The following RBFOX1 variants were observed in gnomAD, a reference collection of about 807,000 sequenced individuals.
RBFOX1 encodes RNA binding protein fox-1 homolog 1.
In RBFOX1, 8 loss-of-function variants were observed where a neutral mutation model predicts 57.7. The observed-to-expected ratio is 0.14, with a 90% CI of 0.08 to 0.25. RBFOX1 has a LOEUF of 0.25. Ranked by LOEUF, RBFOX1 falls within the 10% of genes least tolerant of loss-of-function variation. RBFOX1 has a pLI of 1.00. For synonymous variants in RBFOX1, 326 were observed against 222.4 expected, an observed-to-expected ratio of 1.47 and a Z score of -4.15; for missense variants, 611 against 548.5, an observed-to-expected ratio of 1.11 and a Z score of -1.14.
intron 4 of RBFOX1, among the ~76,000 whole-genome samples, chr16:7,076,226 GT>G (rs1208369103): frequency 6.7e-6 from 1 of 148,836 alleles, no homozygotes; most frequent in African/African-American, 2.5e-5. Context: ...TAGAGATGGG[GT>G]TTCACCATGT....
intron 1 of RBFOX1, among the ~76,000 whole-genome samples, chr16:6,276,342 C>CT (rs541018592): frequency 9.9e-5 from 15 of 150,812 alleles, no homozygotes; most frequent in South Asian, 2.1e-4. Flanking sequence ...TATTGAGAGT[C>CT]TTTTTTTTTG....
intron 3 of RBFOX1, among the ~76,000 whole-genome samples, chr16:6,865,172 T>C (rs2142907692): frequency 6.6e-6 from 1 of 151,926 alleles, no homozygotes; most frequent in Admixed American, 6.5e-5. Context: ...CTGGGTAATT[T>C]TTGTACTTTT....
intron 1 of RBFOX1, among the ~76,000 whole-genome samples, chr16:6,025,824 A>G (rs1022505227): frequency 6.6e-6 from 1 of 152,196 alleles, no homozygotes; most frequent in Non-Finnish European, 1.5e-5. Context: ...GGACACCTGG[A>G]CAATTCAGTT....
chr16:6,177,337 C>T (rs1469883800), intron 1 of RBFOX1, among the ~76,000 whole-genome samples: 4 of 152,100 alleles, frequency 2.6e-5, no homozygotes, highest in Admixed American at 2.6e-4. Flanking sequence ...TTCCTCTTCC[C>T]AGTGAAGTCT....
chr16:5,337,604 G>A (rs1040305272), intron 1 of RBFOX1, among the ~76,000 whole-genome samples: 3 of 152,126 alleles, frequency 2.0e-5, no homozygotes, highest in African/African-American at 4.8e-5. Context: ...AATAAATATT[G>A]TTGAATGTTT....
chr16:6,768,157 A>G (rs935466530), intron 3 of RBFOX1, among the ~76,000 whole-genome samples: 5 of 151,928 alleles, frequency 3.3e-5, no homozygotes, highest in African/African-American at 9.7e-5. Flanking sequence ...AGATTGTAAC[A>G]CTGCACTTCA....
intron 3 of RBFOX1, among the ~76,000 whole-genome samples, chr16:7,003,813 C>G (rs866432284): frequency 6.6e-6 from 1 of 152,034 alleles, no homozygotes; most frequent in Admixed American, 6.6e-5. Context: ...AAGGACAATT[C>G]CTTGTCCAGG....
At chr16:7,366,548 C>A (rs1041871924) in intron 4 of RBFOX1, among the ~76,000 whole-genome samples, 1 of 152,182 alleles carries the variant, frequency 6.6e-6, no homozygotes, top group Non-Finnish European at 1.5e-5. Flanking sequence ...CCTGGTCCAA[C>A]CATGGAGGCT....
chr16:5,348,148 A>G (rs545887507), intron 1 of RBFOX1, among the ~76,000 whole-genome samples: 52 of 149,430 alleles, frequency 3.5e-4, no homozygotes, highest in African/African-American at 1.3e-3. Flanking sequence ...CCACCCATGT[A>G]TCCATCCACC....
chr16:5,478,854 T>C (rs2069422488), intron 2 of RBFOX1, among the ~76,000 whole-genome samples: 1 of 152,166 alleles, frequency 6.6e-6, no homozygotes, highest in Admixed American at 6.5e-5. Flanking sequence ...GCTATATTCC[T>C]AAGCTAAGAT....
chr16:7,622,158 T>C (rs1168496344), intron 10 of RBFOX1, among the ~76,000 whole-genome samples: 2 of 152,186 alleles, frequency 1.3e-5, no homozygotes, highest in Non-Finnish European at 2.9e-5. Context: ...AGATGATTGT[T>C]AGAACCATGG....
At chr16:6,689,563 T>G (rs2059920102) in intron 3 of RBFOX1, among the ~76,000 whole-genome samples, 1 of 152,182 alleles carries the variant, frequency 6.6e-6, no homozygotes, top group South Asian at 2.1e-4. Flanking sequence ...TCCTGTAAGG[T>G]GCCTCAGCCT....
intron 1 of RBFOX1, among the ~76,000 whole-genome samples, chr16:6,124,939 C>G (rs141463533): frequency 1.3e-5 from 2 of 152,194 alleles, no homozygotes. Context: ...CCTCACCAGC[C>G]TTACCATTTG....
intron 4 of RBFOX1, among the ~76,000 whole-genome samples, chr16:7,467,177 A>T (rs1360148242): frequency 6.6e-6 from 1 of 152,236 alleles, no homozygotes; most frequent in East Asian, 1.9e-4. Flanking sequence ...ACTTCTTTGC[A>T]TCCCTATGTG....
chr16:5,795,679 A>T (rs2151742231), intron 3 of RBFOX1, among the ~76,000 whole-genome samples: 1 of 152,050 alleles, frequency 6.6e-6, no homozygotes, highest in Non-Finnish European at 1.5e-5. Context: ...CTCAAATATC[A>T]TTTCTTCAAG....
chr16:7,690,316 T>C (rs778621448), intron 14 of RBFOX1, among the ~76,000 whole-genome samples: 4 of 152,060 alleles, frequency 2.6e-5, no homozygotes, highest in Non-Finnish European at 5.9e-5. Context: ...GTTAGCACAT[T>C]AGAATCACTT....
chr16:6,712,899 T>A (rs1200253508), intron 3 of RBFOX1, among the ~76,000 whole-genome samples: 1 of 126,068 alleles, frequency 7.9e-6, no homozygotes, highest in Admixed American at 8.2e-5. Context: ...TTTTTTTTTT[T>A]TTTTTTTTTC....
At chr16:5,494,472 G>A (rs915803330) in intron 2 of RBFOX1, among the ~76,000 whole-genome samples, 18 of 152,218 alleles carry the variant, frequency 1.2e-4, no homozygotes, top group African/African-American at 3.9e-4. Context: ...GGGCATTGAT[G>A]GATCTTGGGT....
chr16:7,240,919 C>G (rs1462423629), intron 4 of RBFOX1, among the ~76,000 whole-genome samples: 2 of 152,186 alleles, frequency 1.3e-5, no homozygotes, highest in Admixed American at 6.6e-5. Context: ...TGCTTTAGAT[C>G]TTAAACAGCA....
Sources: allele counts gnomAD v4.1 joint callset (sites outside exome capture counted in the v4.1 genomes callset), GRCh38; gene constraint gnomAD v4.1.1; transcripts MANE v1.5; gene names NCBI Gene and HGNC (gene_info 2026-07-23, HGNC 2026-07-21).